TGM4: variants seen among roughly 807,000 people sequenced by gnomAD.
The protein encoded by TGM4 is protein-glutamine gamma-glutamyltransferase 4.
A neutral mutation model predicts 76.3 loss-of-function variants in TGM4; 61 were observed. That is an observed-to-expected ratio of 0.80 (90% CI 0.65 to 0.99). TGM4 has a LOEUF of 0.99. TGM4 is among the 50% of genes least tolerant of loss of function. TGM4 has a pLI of 0.00. For synonymous variants in TGM4, 337 were observed against 329.8 expected, an observed-to-expected ratio of 1.02 and a Z score of -0.24; for missense variants, 794 against 843.2, an observed-to-expected ratio of 0.94 and a Z score of 0.72.
chr3:44,893,923 A>C (rs1699738824), intron 5 of TGM4, among the ~76,000 whole-genome samples: 3 of 115,104 alleles, frequency 2.6e-5, no homozygotes, highest in African/African-American at 6.2e-5. Context: ...GGCCTTTCCC[A>C]TCCACCCCAC....
chr3:44,901,337 T>TCAC (rs1420023435), intron 6 of TGM4, among the ~76,000 whole-genome samples, 187 bp from the exon 7 acceptor site: 1 of 152,204 alleles, frequency 6.6e-6, no homozygotes. Context: ...TCCTCCCCGG[T>TCAC]CACTCAAACA....
Position 44,896,762 on chromosome 3 carries a change from C to G in TGM4, c.603C>G (p.Leu201=), listed in dbSNP as rs940086349. Residue 201 remains leucine, a synonymous_variant, in exon 6 of 14, where the codon CTC becomes CTG. Coordinates refer to ENST00000296125, the MANE Select transcript of TGM4 (RefSeq NM_003241.4). ...TTTCCCTGCTGACTGAGAGCTCCCTCAAGCCCACAGATAGGAGGGACCCCG... is the reference window on the plus strand; with the variant it reads ...TTTCCCTGCTGACTGAGAGCTCCCTGAAGCCCACAGATAGGAGGGACCCCG... The part of the protein sequence containing the change: ...CCISLLTESS[L]KPTDRRDPVL... 6.2e-7 allele frequency: 1 copy of G among 1,614,190 alleles called. No homozygotes were observed. Among genetic ancestry groups the G allele is most frequent in the Admixed American group, 1.7e-5 (1 of 60,028 alleles).
Position 44,893,666 on chromosome 3 carries a change from A to G in TGM4, c.520A>G (p.Ile174Val), listed in dbSNP as rs776353448. Residue 174 changes from isoleucine to valine, a missense_variant, in exon 5 of 14, where the codon ATC becomes GTC. Physicochemically the swap from Ile to Val is conservative, Grantham distance 29 (BLOSUM62 3). Transcript: ENST00000296125. ...GCHYVGAARS[I>V]KCKPWNFGQF... The stretch of plus-strand genomic sequence containing the variant: ...CCATTACGTGGGGGCTGCCAGAAGT[A>G]TCAAATGCAAACCCTGGAACTTTGG... 3 of 1,613,918 alleles carry G rather than the reference A, an allele frequency of 1.9e-6. No homozygotes were observed. In the South Asian group the frequency reaches 3.3e-5, roughly 18 times the overall value.
chr3:44,875,573 G>A (rs960078747), intron 1 of TGM4, among the ~76,000 whole-genome samples: 4 of 151,984 alleles, frequency 2.6e-5, no homozygotes, highest in African/African-American at 9.7e-5. Flanking sequence ...TTTTACTTCA[G>A]GGAGTCCGGG....
chr3:44,883,857 G>A (rs1699564088), intron 1 of TGM4, among the ~76,000 whole-genome samples: 1 of 152,232 alleles, frequency 6.6e-6, no homozygotes, highest in Non-Finnish European at 1.5e-5. Context: ...TTGTAGTCAT[G>A]AAAGCCCAGT....
chr3:44,886,926 G>A (rs1699615826), intron 2 of TGM4, among the ~76,000 whole-genome samples: 1 of 152,238 alleles, frequency 6.6e-6, no homozygotes, highest in Admixed American at 6.5e-5. Flanking sequence ...CTCTGTCGGT[G>A]CTGACTCTGT....
chr3:44,907,237 T>C (rs1699935940), intron 10 of TGM4, 37 bp downstream of exon 10: 3 of 1,600,690 alleles, frequency 1.9e-6, no homozygotes, highest in Non-Finnish European at 2.6e-6. Flanking sequence ...ACTCAGCCCC[T>C]GAGTCACCCA....
At chr3:44,888,974 T>C (rs1699650421) in intron 3 of TGM4, 1 of 151,942 alleles carries the variant, frequency 6.6e-6, no homozygotes, top group African/African-American at 2.4e-5. Context: ...AGCAAAATAA[T>C]GACAATTAAA....
intron 9 of TGM4, among the ~76,000 whole-genome samples, chr3:44,906,279 A>G (rs1292540954): frequency 6.6e-6 from 1 of 152,252 alleles, no homozygotes; most frequent in East Asian, 1.9e-4. Context: ...TGTAAAAACC[A>G]AAGCTACTAC....
intron 6 of TGM4, among the ~76,000 whole-genome samples, chr3:44,899,917 C>A (rs2125756163): frequency 6.6e-6 from 1 of 152,268 alleles, no homozygotes; most frequent in African/African-American, 2.4e-5. Context: ...AGGCTGGAAG[C>A]CACAGCCTTT....
Position 44,893,607 on chromosome 3 carries a change from A to C in TGM4, c.461A>C (p.Glu154Ala). The change falls in exon 5 of 14, where the codon GAG (glutamate) becomes GCG (alanine). Residue 154 changes from glutamate (E) to alanine (A), a missense_variant. Physicochemically the swap from Glu to Ala is moderately radical, Grantham distance 107. Coordinates refer to ENST00000296125, the MANE Select transcript of TGM4 (RefSeq NM_003241.4). ...EDMVFMPDED[E>A]RKEYILNDTG... Reference sequence around the variant, plus strand: ...ATGGTTTTCATGCCTGATGAGGACGAGCGCAAAGAGTACATCCTCAATGAC... The same window carrying C: ...ATGGTTTTCATGCCTGATGAGGACGCGCGCAAAGAGTACATCCTCAATGAC... 6.2e-7 allele frequency: 1 copy of C among 1,613,876 alleles called. No individual in the cohort carries two copies. Among genetic ancestry groups the C allele is most frequent in the Non-Finnish European group, 8.5e-7 (1 of 1,179,852 alleles).
chr3:44,885,206 G>A, intron 1 of TGM4, 119 bp from the exon 2 acceptor site: 2 of 1,020,222 alleles, frequency 2.0e-6, no homozygotes, highest in Non-Finnish European at 2.8e-6. Context: ...GAGCAGGGAT[G>A]CCCGACTCTA....
At chr3:44,879,275 A>C (rs1397454526) in intron 1 of TGM4, among the ~76,000 whole-genome samples, 16 of 142,490 alleles carry the variant, frequency 1.1e-4, no homozygotes, top group South Asian at 4.3e-4. Context: ...CTATATATAT[A>C]TATATATATA....
rs1175985520 is a variant in TGM4 at position 44,910,165 on chromosome 3, T to C, written c.1403T>C (p.Val468Ala). Residue 468 changes from valine to alanine, a missense_variant, in exon 11 of 14, where the codon GTA becomes GCA. Transcript: ENST00000296125. The part of the protein sequence containing the change: ...LSSEREHRRP[V>A]KENFLHMSVQ... ...TCTGAGAGGGAGCACAGACGACCTG[T>C]AAAAGAGAACTTTCTTCACATGTCG... 11 of 1,614,206 alleles carry C rather than the reference T, an allele frequency of 6.8e-6. No homozygotes were observed. The highest frequency in any genetic ancestry group is 1.6e-4 in the Middle Eastern group (1 of 6,062).
Position 44,907,040 on chromosome 3 carries a change from G to A in TGM4, c.1167G>A (p.Val389=). 1 of 1,614,188 alleles carries A rather than the reference G, an allele frequency of 6.2e-7. No homozygotes were observed. Among genetic ancestry groups the A allele is most frequent in the Non-Finnish European group, 8.5e-7 (1 of 1,180,036 alleles). ...ACACCAGATTCGTCTTCTCAGAAGT[G>A]AATGGTGACAGGCTCATCTGGTTGG... ...VYDTRFVFSE[V]NGDRLIWLVK... Residue 389 remains valine (V), a synonymous_variant, in exon 10 of 14, where the codon GTG becomes GTA. Coordinates refer to ENST00000296125, the MANE Select transcript of TGM4 (RefSeq NM_003241.4).
intron 5 of TGM4, among the ~76,000 whole-genome samples, chr3:44,896,198 G>A (rs557376387): frequency 9.3e-4 from 141 of 152,050 alleles, no homozygotes; most frequent in African/African-American, 3.3e-3. Flanking sequence ...TGCAACCTCC[G>A]CCTCCTGAGT....
chr3:44,899,791 G>A (rs1178151993), intron 6 of TGM4: 1 of 152,274 alleles, frequency 6.6e-6, no homozygotes, highest in Non-Finnish European at 1.5e-5. Context: ...GAAGATCTCT[G>A]GGGGAGGACC....
chr3:44,913,664 A>G lies in TGM4; in HGVS notation c.1994A>G (p.Lys665Arg). 6.2e-7 allele frequency: 1 copy of G among 1,614,208 alleles called. No individual in the cohort carries two copies. The highest frequency in any genetic ancestry group is 8.5e-7 in the Non-Finnish European group (1 of 1,180,038). ...IKTGPKKFIV[K>R]LSSKQVKEIN... ...ACTGGACCCAAGAAATTTATCGTCA[A>G]GTTAAGTTCCAAACAAGTGAAAGAG... is the stretch of plus-strand genomic sequence containing the variant. The change falls in exon 14 of 14, where the codon AAG (lysine) becomes AGG (arginine). Residue 665 changes from lysine (K) to arginine (R), a missense_variant. Transcript: ENST00000296125.
chr3:44,912,174 T>G (rs1700014182), intron 13 of TGM4, among the ~76,000 whole-genome samples: 1 of 152,252 alleles, frequency 6.6e-6, no homozygotes, highest in Admixed American at 6.5e-5. Context: ...CTTTCACCAG[T>G]AGAACTTTTA....
Sources: gnomAD v4.1 joint callset for allele counts (sites outside exome capture counted in the v4.1 genomes callset) on GRCh38, gnomAD v4.1.1 for gene constraint, MANE v1.5 for transcripts, NCBI Gene and HGNC (gene_info 2026-07-23, HGNC 2026-07-21) for gene names.